The following M6PR variants were observed in gnomAD, a reference collection of about 807,000 sequenced individuals.
M6PR encodes cation-dependent mannose-6-phosphate receptor.
In M6PR, 19 loss-of-function variants were observed where a neutral mutation model predicts 33.1. The ratio of observed to expected loss-of-function variants is 0.57; its 90% CI spans 0.40 to 0.84. The LOEUF (loss-of-function observed/expected upper bound fraction) is 0.84. M6PR is among the 40% of genes least tolerant of loss of function. The pLI, the probability that M6PR is intolerant of heterozygous loss-of-function variation, is 0.00. For missense variants in M6PR, 295 were observed against 336.0 expected (o/e 0.88, Z 0.95); for synonymous variants, 111 against 123.4 (o/e 0.90, Z 0.67).
intron 1 of M6PR, among the ~76,000 whole-genome samples, chr12:8,948,204 A>G (rs1424627713): frequency 1.3e-5 from 2 of 152,224 alleles, no homozygotes; most frequent in South Asian, 2.1e-4. Context: ...TTAGGATAAT[A>G]AATTTATACT....
Position 8,943,553 on chromosome 12 carries a change from T to C in M6PR, c.454-18A>G. 1 of 1,614,134 alleles carries C rather than the reference T, an allele frequency of 6.2e-7. No individual in the cohort carries two copies. The highest frequency in any genetic ancestry group is 2.2e-5 in the East Asian group (1 of 44,888). ...AAATTGTCCTGATGATGAGATGGCA[T>C]AACACATTCAGGTGGTTAAGTGTTT... On this transcript the variant is annotated intron_variant, in intron 4 of 6. Transcript: ENST00000000412.
At chr12:8,945,648 C>T (rs1449466495) in intron 2 of M6PR, 64 bp from the exon 3 acceptor site, 7 of 1,336,242 alleles carry the variant, frequency 5.2e-6, no homozygotes, top group Non-Finnish European at 7.3e-6. Flanking sequence ...GGAATAACAG[C>T]ATCCCTTTCC....
At chr12:8,947,927 A>C (rs1452893592) in intron 1 of M6PR, among the ~76,000 whole-genome samples, 4 of 151,588 alleles carry the variant, frequency 2.6e-5, no homozygotes, top group African/African-American at 9.7e-5. Context: ...CAGACCTCCA[A>C]CTCCCACCTT....
Position 8,941,776 on chromosome 12 carries a change from G to GT in M6PR, c.*41dup, listed in dbSNP as rs1946012420. 3 of 1,611,334 alleles carry GT rather than the reference G, an allele frequency of 1.9e-6. No homozygotes were observed. The highest frequency in any genetic ancestry group is 2.7e-5 in the African/African-American group (2 of 74,980). ...TGAGAAATCTGGCTGTGTAGCTTTG[G>GT]TTTGGGGGACTGAGGAAGAGGCTGG... On this transcript the variant is annotated 3_prime_UTR_variant, in exon 7 of 7. Coordinates refer to ENST00000000412, the MANE Select transcript of M6PR (RefSeq NM_002355.4).
chr12:8,940,410 T>C lies in M6PR; in HGVS notation c.*1408A>G. On this transcript the variant is annotated 3_prime_UTR_variant, in exon 7 of 7. Coordinates refer to ENST00000000412, the MANE Select transcript of M6PR (RefSeq NM_002355.4). ...TTAAGAGTTTTTGTACAAAAGGTGA[T>C]GGTTTTTTTTCTTCATTTTAAAACA... The C allele has an allele frequency of 5.4e-6, 1 of 186,062 alleles. No homozygotes were observed. The highest frequency in any genetic ancestry group is 1.1e-5 in the Non-Finnish European group (1 of 87,452). The allele number at this position is 186,062 out of a possible 1,614,324, so 11.5% of individuals were successfully genotyped here.
chr12:8,943,943 G>T (rs1946061819), intron 3 of M6PR, 33 bp from the exon 4 acceptor site: 1 of 1,456,492 alleles, frequency 6.9e-7, no homozygotes, highest in Non-Finnish European at 9.6e-7. Flanking sequence ...GAGCTATGGG[G>T]TGGGGGAAAA....
At chr12:8,943,727 C>G (rs756659551) in intron 4 of M6PR, 74 bp downstream of exon 4, 90 of 1,414,318 alleles carry the variant, frequency 6.4e-5, no homozygotes, top group Non-Finnish European at 8.2e-5. Flanking sequence ...CGTGTCCCCT[C>G]TGGATATTCT....
chr12:8,943,017 G>GAC (rs1395945988), intron 5 of M6PR, among the ~76,000 whole-genome samples: 2 of 149,820 alleles, frequency 1.3e-5, no homozygotes, highest in African/African-American at 4.9e-5. Flanking sequence ...GCAGTGGTGC[G>GAC]ACCTCAGCTC....
rs1243366243 is a variant in M6PR, at chr12:8,945,471, T to C, written c.290A>G (p.Asn97Ser). Residue 97 changes from asparagine (N) to serine (S), a missense_variant, in exon 3 of 7, where the codon AAT (asparagine) becomes AGT (serine). By Grantham distance (46) the Asn-to-Ser change is conservative. Coordinates refer to ENST00000000412, the MANE Select transcript of M6PR (RefSeq NM_002355.4). ...GAGLVQINKS[N>S]GKETVVGRLN... ...TCTCCCTACCACTGTCTCCTTCCCATTACTTTTGTTGATTTGCACCAGGCC... is the reference window on the plus strand; with the variant it reads ...TCTCCCTACCACTGTCTCCTTCCCACTACTTTTGTTGATTTGCACCAGGCC... The C allele has an allele frequency of 1.2e-6, 2 of 1,614,128 alleles. No homozygotes were observed. Among genetic ancestry groups the C allele is most frequent in the Admixed American group, 3.3e-5 (2 of 60,018 alleles).
intron 5 of M6PR, 142 bp downstream of exon 5, chr12:8,943,263 T>C (rs1441565413): frequency 9.6e-7 from 1 of 1,039,964 alleles, no homozygotes; most frequent in Non-Finnish European, 1.4e-6. Context: ...AATTATTTTA[T>C]AGCCAGAGGA....
At chr12:8,946,144 G>C (rs1313340248) in intron 2 of M6PR, 85 bp downstream of exon 2, 30 of 1,352,654 alleles carry the variant, frequency 2.2e-5, no homozygotes, top group Non-Finnish European at 2.8e-5. Context: ...TCATAAAAGA[G>C]AGCACATTAT....
intron 1 of M6PR, chr12:8,946,615 AATGT>A (rs1210223194): frequency 2.0e-6 from 1 of 488,648 alleles, no homozygotes; most frequent in Admixed American, 3.5e-5. Context: ...CTTGTAGTCT[AATGT>A]ATAGGTGAGT....
intron 2 of M6PR, among the ~76,000 whole-genome samples, chr12:8,945,945 T>G (rs1413900331): frequency 6.6e-6 from 1 of 152,204 alleles, no homozygotes; most frequent in Non-Finnish European, 1.5e-5. Context: ...CTGACACTTA[T>G]AATGACATGT....
chr12:8,944,323 G>T (rs1288960739), intron 3 of M6PR, among the ~76,000 whole-genome samples: 1 of 152,172 alleles, frequency 6.6e-6, no homozygotes, highest in South Asian at 2.1e-4. Context: ...GGATATCTAA[G>T]ATTGGAATGC....
At chr12:8,945,630 C>G (rs755877771) in intron 2 of M6PR, 46 bp from the exon 3 acceptor site, 1 of 1,537,484 alleles carries the variant, frequency 6.5e-7, no homozygotes, top group South Asian at 1.1e-5. Context: ...TACTAGCTAT[C>G]AGCCTCAGGA....
At chr12:8,942,280 G>T (rs1592220973) in intron 6 of M6PR, 136 bp downstream of exon 6, 1 of 1,208,076 alleles carries the variant, frequency 8.3e-7, no homozygotes, top group East Asian at 2.4e-5. Flanking sequence ...CAACTGTCTT[G>T]TTTGCTGGGA....
intron 3 of M6PR, among the ~76,000 whole-genome samples, chr12:8,944,849 ACT>A (rs1946071979): frequency 6.6e-6 from 1 of 151,972 alleles, no homozygotes. Context: ...GAATAAAAGG[ACT>A]CTAGGCTACA....
rs1946095033 is a variant in M6PR, at chr12:8,946,393, G to C, written c.12C>G (p.Phe4Leu). 1.5e-5 allele frequency: 24 copies of C among 1,611,856 alleles called. No homozygotes were observed. The highest frequency in any genetic ancestry group is 2.0e-5 in the Non-Finnish European group (24 of 1,179,158). ...GCAGTCCAGTCCTCCAGCAGCTGTA[G>C]AAAGGGAACATCCTTTGGGAGAGAG... MFP[F>L]YSCWRTGLLL... Residue 4 changes from phenylalanine (F) to leucine (L), a missense_variant, in exon 2 of 7, where the codon TTC becomes TTG. Coordinates refer to ENST00000000412, the MANE Select transcript of M6PR (RefSeq NM_002355.4).
chr12:8,946,346 G>A lies in M6PR; in HGVS notation c.59C>T (p.Ala20Val), dbSNP rs544775120. Residue 20 changes from alanine to valine, a missense_variant, in exon 2 of 7, where the codon GCA becomes GTA. Transcript: ENST00000000412. ...TTCTGTCTGCCAGGATTCTCTCACT[G>A]CCACAGCCAGGAGTAGTAGTAGCAG... The part of the protein sequence containing the change: ...TGLLLLLLAV[A>V]VRESWQTEEK... 4.5e-5 allele frequency: 72 copies of A among 1,613,958 alleles called. No homozygotes were observed. The highest frequency in any genetic ancestry group is 1.6e-4 in the Middle Eastern group (1 of 6,084).
Sources: gnomAD v4.1 joint callset for allele counts (sites outside exome capture counted in the v4.1 genomes callset) on GRCh38, gnomAD v4.1.1 for gene constraint, MANE v1.5 for transcripts, NCBI Gene and HGNC (gene_info 2026-07-23, HGNC 2026-07-21) for gene names.